Variants in DTNA observed in about 807,000 individuals in gnomAD.
DTNA encodes the protein dystrobrevin alpha, also known as dystrophin-related protein 3.
A neutral mutation model predicts 100.7 loss-of-function variants in DTNA; 43 were observed. That is an observed-to-expected ratio of 0.43 (90% CI 0.33 to 0.55). The LOEUF is 0.55. Among genes scored for constraint, DTNA ranks in the 20% least tolerant of loss-of-function variants. The pLI is 0.04. For missense variants in DTNA, 798 were observed against 953.9 expected, an observed-to-expected ratio of 0.84 and a Z score of 2.15; for synonymous variants, 349 against 347.9, an observed-to-expected ratio of 1.00 and a Z score of -0.04.
At chr18:34,820,668 C>A in intron 8 of DTNA, 123 bp from the exon 9 acceptor site, 3 of 1,490,178 alleles carry the variant, frequency 2.0e-6, no homozygotes, top group Non-Finnish European at 2.7e-6. Flanking sequence ...CTTCCAGACT[C>A]AGAATCAGCA....
At chr18:34,561,570 A>G (rs1372888170) in intron 1 of DTNA, among the ~76,000 whole-genome samples, 1 of 152,126 alleles carries the variant, frequency 6.6e-6, no homozygotes, top group Non-Finnish European at 1.5e-5. Flanking sequence ...TTCAATAATA[A>G]TGAATAACAG....
chr18:34,554,431 G>C (rs896452094), intron 1 of DTNA, among the ~76,000 whole-genome samples: 53 of 149,872 alleles, frequency 3.5e-4, no homozygotes, highest in African/African-American at 1.3e-3. Flanking sequence ...AGTGGTGAGA[G>C]AGGGCATCCC....
chr18:34,822,224 A>G (rs2095741729), intron 9 of DTNA: 1 of 152,242 alleles, frequency 6.6e-6, no homozygotes, highest in African/African-American at 2.4e-5. Context: ...GAATGTCCCA[A>G]AGGGCCAACC....
chr18:34,560,925 A>T (rs2046577099), intron 1 of DTNA, among the ~76,000 whole-genome samples: 1 of 152,190 alleles, frequency 6.6e-6, no homozygotes. Context: ...CTGTCTCAAA[A>T]AATAAAATTT....
chr18:34,694,882 T>G lies in DTNA; in HGVS notation c.-1-61094T>G, dbSNP rs2080290642. ...CCCATTCAGCCACAGCAAATGAGCC[T>G]CTCATCCCCTCAGTTAAACAGGTTC... is the stretch of plus-strand genomic sequence containing the variant. On this transcript the variant is annotated intron_variant, in intron 1 of 19. Transcript: ENST00000283365. 2.0e-5 allele frequency among the ~76,000 whole-genome samples: 3 copies of G among 152,164 alleles called. No individual in the cohort carries two copies. The South Asian group carries it at 6.2e-4, about 32-fold the overall frequency.
chr18:34,683,222 T>C (rs780439040), intron 1 of DTNA, among the ~76,000 whole-genome samples: 2 of 152,162 alleles, frequency 1.3e-5, no homozygotes, highest in Non-Finnish European at 2.9e-5. Context: ...GATCTGAACA[T>C]TTCAAATGTC....
chr18:34,758,486 G>A (rs1222735282), intron 2 of DTNA, among the ~76,000 whole-genome samples: 1 of 152,192 alleles, frequency 6.6e-6, no homozygotes. Flanking sequence ...AGTACTTTAA[G>A]CACTGGGGAA....
intron 1 of DTNA, among the ~76,000 whole-genome samples, chr18:34,585,198 A>C (rs999498850): frequency 1.3e-5 from 2 of 152,236 alleles, no homozygotes; most frequent in Non-Finnish European, 2.9e-5. Flanking sequence ...GGCAAAGAGC[A>C]GTCCTAGGAT....
chr18:34,561,118 GC>G (rs1385884478), intron 1 of DTNA, among the ~76,000 whole-genome samples: 6 of 152,136 alleles, frequency 3.9e-5, no homozygotes, highest in African/African-American at 1.4e-4. Context: ...GAAGAGGATA[GC>G]TTTACCAGAA....
At chr18:34,625,752 C>G (rs2057233442) in intron 1 of DTNA, among the ~76,000 whole-genome samples, 1 of 152,174 alleles carries the variant, frequency 6.6e-6, no homozygotes, top group South Asian at 2.1e-4. Flanking sequence ...AATGAAATAA[C>G]ATCTTGGAGA....
intron 1 of DTNA, among the ~76,000 whole-genome samples, chr18:34,609,093 T>A (rs1050783828): frequency 1.1e-4 from 17 of 152,346 alleles, no homozygotes; most frequent in African/African-American, 4.1e-4. Flanking sequence ...CTACTTGCTA[T>A]CTTCAGAATA....
At chr18:34,634,064 A>G (rs2058387110) in intron 1 of DTNA, among the ~76,000 whole-genome samples, 1 of 152,200 alleles carries the variant, frequency 6.6e-6, no homozygotes, top group Admixed American at 6.5e-5. Flanking sequence ...CATAGTGCAT[A>G]TCTATCTGGT....
chr18:34,616,616 C>T (rs544587132), intron 1 of DTNA, among the ~76,000 whole-genome samples: 1 of 152,196 alleles, frequency 6.6e-6, no homozygotes, highest in East Asian at 1.9e-4. Context: ...TATTCAGGCT[C>T]TTTCTGGTTC....
intron 1 of DTNA, among the ~76,000 whole-genome samples, chr18:34,531,314 T>C (rs1251942176): frequency 1.3e-5 from 2 of 152,134 alleles, no homozygotes; most frequent in African/African-American, 4.8e-5. Flanking sequence ...ACTAGCTGGC[T>C]GTGTGACTTT....
intron 1 of DTNA, among the ~76,000 whole-genome samples, chr18:34,557,652 TGG>T (rs928586698): frequency 6.6e-6 from 1 of 151,586 alleles, no homozygotes; most frequent in African/African-American, 2.4e-5. Flanking sequence ...GTGCCCCTGC[TGG>T]GGGGGTGCCT....
intron 5 of DTNA, among the ~76,000 whole-genome samples, chr18:34,809,210 G>T (rs985553338): frequency 1.3e-5 from 2 of 152,170 alleles, no homozygotes; most frequent in Non-Finnish European, 2.9e-5. Flanking sequence ...CACAAAATCT[G>T]CCCGCAGAGA....
intron 3 of DTNA, among the ~76,000 whole-genome samples, chr18:34,789,928 T>A (rs906731353): frequency 6.6e-6 from 1 of 152,200 alleles, no homozygotes; most frequent in Non-Finnish European, 1.5e-5. Context: ...GTCATAGTAA[T>A]CATCCGAAAG....
chr18:34,637,454 A>C (rs534831612), intron 1 of DTNA, among the ~76,000 whole-genome samples: 164 of 152,300 alleles, frequency 1.1e-3, no homozygotes, highest in African/African-American at 3.8e-3. Context: ...CAAAAGGAGA[A>C]TATATATAAA....
rs567476496 is a variant in DTNA at position 34,830,273 on chromosome 18, G to A, written c.1175+784G>A. 2.4e-4 allele frequency among the ~76,000 whole-genome samples: 36 copies of A among 152,016 alleles called. No individual in the cohort carries two copies. In the South Asian group the frequency reaches 6.3e-3, roughly 26 times the overall value. On this transcript the variant is annotated intron_variant, in intron 11 of 22. Transcript: ENST00000444659. ...GTGCCAGTCAGTATAGGGCAGCACC[G>A]AGAAAGTAGAGAAGTTCTCCATATT...
Sources: allele counts gnomAD v4.1 joint callset (sites outside exome capture counted in the v4.1 genomes callset), GRCh38; gene constraint gnomAD v4.1.1; transcripts MANE v1.5; gene names NCBI Gene and HGNC (gene_info 2026-07-23, HGNC 2026-07-21).